The following PPTC7 variants were observed in gnomAD, a reference collection of about 807,000 sequenced individuals.
PPTC7 encodes the protein protein phosphatase PTC7 homolog.
In PPTC7, 6 loss-of-function variants were observed where a neutral mutation model predicts 30.8. The ratio of observed to expected loss-of-function variants is 0.19; its 90% CI spans 0.11 to 0.38. The LOEUF is 0.38. Ranked by LOEUF, PPTC7 falls within the 10% of genes least tolerant of loss-of-function variation. PPTC7 has a pLI of 1.00. For synonymous variants in PPTC7, 163 were observed against 168.1 expected, an observed-to-expected ratio of 0.97 and a Z score of 0.23; for missense variants, 218 against 404.8, an observed-to-expected ratio of 0.54 and a Z score of 3.96.
intron 1 of PPTC7, among the ~76,000 whole-genome samples, chr12:110,571,726 T>C (rs1453477962): frequency 6.6e-6 from 1 of 152,182 alleles, no homozygotes; most frequent in Non-Finnish European, 1.5e-5. Flanking sequence ...GCTTCAGGCA[T>C]CCACAAAACA....
intron 2 of PPTC7, among the ~76,000 whole-genome samples, chr12:110,547,763 T>A (rs1331193625): frequency 2.0e-5 from 3 of 152,184 alleles, no homozygotes; most frequent in Non-Finnish European, 4.4e-5. Context: ...TCCAGCTATG[T>A]GACCATGGCA....
intron 5 of PPTC7, among the ~76,000 whole-genome samples, chr12:110,537,930 G>A (rs543635161): frequency 1.3e-5 from 2 of 152,180 alleles, no homozygotes; most frequent in African/African-American, 4.8e-5. Context: ...TGCCTCTGCC[G>A]CCAATGAGGT....
At chr12:110,582,645 G>C (rs1232014205) in intron 1 of PPTC7, among the ~76,000 whole-genome samples, 164 bp downstream of exon 1, 2 of 152,176 alleles carry the variant, frequency 1.3e-5, no homozygotes, top group Admixed American at 1.3e-4. Context: ...AGCGGAAAAC[G>C]CGCCTCGGAG....
At chr12:110,544,693 G>C (rs1245974493) in intron 3 of PPTC7, among the ~76,000 whole-genome samples, 1 of 152,108 alleles carries the variant, frequency 6.6e-6, no homozygotes, top group Non-Finnish European at 1.5e-5. Flanking sequence ...AATTAGCCAG[G>C]CATGGTGGCG....
intron 1 of PPTC7, among the ~76,000 whole-genome samples, chr12:110,581,053 C>A (rs1190597157): frequency 1.3e-5 from 2 of 152,086 alleles, no homozygotes; most frequent in African/African-American, 4.8e-5. Flanking sequence ...CGCAGCCCAG[C>A]ATACAGATTT....
chr12:110,561,223 C>T (rs2064435431), intron 1 of PPTC7, among the ~76,000 whole-genome samples: 1 of 152,022 alleles, frequency 6.6e-6, no homozygotes, highest in South Asian at 2.1e-4. Context: ...CAGCATGAAG[C>T]ACTGTAACTA....
chr12:110,561,606 GAGCAACCGCATCC>G (rs1170792560), intron 1 of PPTC7, among the ~76,000 whole-genome samples: 1 of 152,146 alleles, frequency 6.6e-6, no homozygotes, highest in Non-Finnish European at 1.5e-5. Context: ...TTACAGGCAT[GAGCAACCGCATCC>G]AGCCTATATC....
rs1377695476 is a variant in PPTC7, at chr12:110,534,647, A to T, written c.*2390T>A. 1 of 152,240 alleles carries T rather than the reference A, an allele frequency of 6.6e-6. No individual in the cohort carries two copies. The allele number at this position is 152,240 out of a possible 1,614,324, so 9.4% of individuals were successfully genotyped here. ...TAACACAAAAAGAACAGGGGAAAATAGAGAAAATATTTTATGTCACTAATC... is the reference window on the plus strand; with the variant it reads ...TAACACAAAAAGAACAGGGGAAAATTGAGAAAATATTTTATGTCACTAATC... On this transcript the variant is annotated 3_prime_UTR_variant, in exon 6 of 6. Transcript: ENST00000354300.
At chr12:110,579,870 G>A (rs144930126) in intron 1 of PPTC7, among the ~76,000 whole-genome samples, 13 of 152,102 alleles carry the variant, frequency 8.5e-5, no homozygotes, top group African/African-American at 1.2e-4. Context: ...AAAATTAGCC[G>A]GGCGTGATGG....
rs1352794850 is a variant in PPTC7, at chr12:110,544,260, G to A, written c.602+1620C>T. Among the ~76,000 whole-genome samples, 13 of 152,148 alleles carry A rather than the reference G, an allele frequency of 8.5e-5. 1 individual carries two copies. Among genetic ancestry groups the A allele is most frequent in the Admixed American group, 8.5e-4 (13 of 15,272 alleles). Reference sequence around the variant, plus strand: ...TGCTGAACATTTAATTACATAACATGCTCGTTCCAGTTTAAAAGATGGCAA... The same window carrying A: ...TGCTGAACATTTAATTACATAACATACTCGTTCCAGTTTAAAAGATGGCAA... On this transcript the variant is annotated intron_variant, in intron 3 of 5. Coordinates refer to ENST00000354300, the MANE Select transcript of PPTC7 (RefSeq NM_139283.2).
At position 110,540,688 on chromosome 12, in the gene PPTC7, C is replaced by A. The variant is rs144842132; in HGVS notation, c.603-743G>T. On this transcript the variant is annotated intron_variant, in intron 3 of 5. Coordinates refer to ENST00000354300, the MANE Select transcript of PPTC7 (RefSeq NM_139283.2). ...CACCCCCTCTTATTCACATATTTCA[C>A]TCATCAGTTTCCTCGAATATTTGAA... Among the ~76,000 whole-genome samples, 456 of 152,022 alleles carry A rather than the reference C, an allele frequency of 3.0e-3. 1 individual carries two copies. The highest frequency in any genetic ancestry group is 5.1e-3 in the Non-Finnish European group (349 of 67,990).
At chr12:110,549,899 G>A (rs561210417) in intron 2 of PPTC7, among the ~76,000 whole-genome samples, 70 of 152,272 alleles carry the variant, frequency 4.6e-4, no homozygotes, top group African/African-American at 1.5e-3. Context: ...TTTAACATGT[G>A]AAGCAAGGAG....
At position 110,538,176 on chromosome 12, in the gene PPTC7, T is replaced by C. The variant is rs2064232883; in HGVS notation, c.824A>G (p.Gln275Arg). Residue 275 changes from glutamine (Q) to arginine (R), a missense_variant, in exon 5 of 6, where the codon CAG becomes CGG. Physicochemically the swap from Gln to Arg is conservative, Grantham distance 43. Transcript: ENST00000354300. Reference protein sequence around the residue: ...YDPNYMSPFAQFACDNGLNVR... With the variant: ...YDPNYMSPFARFACDNGLNVR... ...ATTCAATCCATTGTCACATGCAAAC[T>C]GTGCAAAAGGTGACATATAATTTGG... The C allele has an allele frequency of 6.2e-7, 1 of 1,614,210 alleles. No homozygotes were observed.
chr12:110,550,181 A>G (rs907011645), intron 2 of PPTC7, among the ~76,000 whole-genome samples: 7 of 151,934 alleles, frequency 4.6e-5, no homozygotes, highest in Non-Finnish European at 7.4e-5. Flanking sequence ...AGCAAATTCT[A>G]TAACAACTGT....
intron 1 of PPTC7, among the ~76,000 whole-genome samples, chr12:110,573,831 A>C (rs145581960): frequency 0.01 from 1,531 of 152,078 alleles, 87 homozygotes; most frequent in Admixed American, 0.086. Flanking sequence ...AAAATACAAA[A>C]TTAGTCGGGT....
At position 110,533,809 on chromosome 12, in the gene PPTC7, A is replaced by C. The variant is rs2064194007; in HGVS notation, c.*3228T>G. On this transcript the variant is annotated 3_prime_UTR_variant, in exon 6 of 6. Transcript: ENST00000354300. Reference sequence around the variant, plus strand: ...CAATAAATTCCCACGATTCCTGCCTAACTTGTTACTTGGTATGGTGGGCTA... The same window carrying C: ...CAATAAATTCCCACGATTCCTGCCTCACTTGTTACTTGGTATGGTGGGCTA... 1 of 152,174 alleles carries C rather than the reference A, an allele frequency of 6.6e-6. No individual in the cohort carries two copies. Among genetic ancestry groups the C allele is most frequent in the Non-Finnish European group, 1.5e-5 (1 of 68,042 alleles). The allele number at this position is 152,174 out of a possible 1,614,324, so 9.4% of individuals were successfully genotyped here.
chr12:110,549,354 C>G (rs2064334347), intron 2 of PPTC7, among the ~76,000 whole-genome samples: 2 of 151,870 alleles, frequency 1.3e-5, no homozygotes, highest in African/African-American at 4.8e-5. Context: ...GCTTTGTAGG[C>G]TTTTTAGCAG....
In PPTC7 at chr12:110,536,969, G is replaced by T; in HGVS notation, c.*68C>A. On this transcript the variant is annotated 3_prime_UTR_variant, in exon 6 of 6. Coordinates refer to ENST00000354300, the MANE Select transcript of PPTC7 (RefSeq NM_139283.2). The stretch of plus-strand genomic sequence containing the variant: ...GTGGCAAAGAAATGTGGTCCTGCCA[G>T]CAGGATCAGCACACATGGCAGGGGA... 1 of 1,192,188 alleles carries T rather than the reference G, an allele frequency of 8.4e-7. No homozygotes were observed. The highest frequency in any genetic ancestry group is 1.2e-6 in the Non-Finnish European group (1 of 800,168). 73.9% of individuals were successfully genotyped at this position (1,192,188 alleles called of 1,614,324 possible). A position where few individuals can be genotyped will look rare whatever the true frequency, so the allele number is the denominator to read the frequency against.
intron 1 of PPTC7, among the ~76,000 whole-genome samples, chr12:110,563,210 A>G (rs1274828873): frequency 1.3e-5 from 2 of 151,070 alleles, no homozygotes; most frequent in Non-Finnish European, 3.0e-5. Flanking sequence ...GTGTCTTTTG[A>G]TTCTCCAGAG....
Sources: gnomAD v4.1 joint callset for allele counts (sites outside exome capture counted in the v4.1 genomes callset) on GRCh38, gnomAD v4.1.1 for gene constraint, MANE v1.5 for transcripts, NCBI Gene and HGNC (gene_info 2026-07-23, HGNC 2026-07-21) for gene names.